Variants in ORC4 observed in about 807,000 individuals in gnomAD.
ORC4 encodes origin recognition complex, subunit 4 homolog.
Under a neutral mutation model 63.9 loss-of-function variants are expected in ORC4, and 55 were observed. That is an observed-to-expected ratio of 0.86 (90% CI 0.69 to 1.08). The LOEUF is 1.08. Ranked by LOEUF, ORC4 falls within the 50% of genes least tolerant of loss-of-function variation. The probability of loss-of-function intolerance (pLI) is 0.00; values close to 1 mark genes in which losing one functional copy is unlikely to be tolerated. For missense variants in ORC4, 511 were observed against 504.4 expected (o/e 1.01, Z -0.13); for synonymous variants, 150 against 168.5 (o/e 0.89, Z 0.85).
Position 147,938,401 on chromosome 2 carries a change from A to G in ORC4, c.959-8T>C. 6.8e-7 allele frequency: 1 copy of G among 1,463,192 alleles called. No homozygotes were observed. The highest frequency in any genetic ancestry group is 9.6e-7 in the Non-Finnish European group (1 of 1,044,228). 90.6% of individuals were successfully genotyped at this position (1,463,192 alleles called of 1,614,324 possible). A position where few individuals can be genotyped will look rare whatever the true frequency, so the allele number is the denominator to read the frequency against. ...TTTCCAAGACTGATAGACCTACAGT[A>G]AAAGGGAAAAAAAACTATCAGTTTA... On this transcript the variant is annotated splice_region_variant and splice_polypyrimidine_tract_variant and intron_variant, in intron 11 of 13. Transcript: ENST00000392857.
At chr2:147,984,557 ACAT>A (rs1248736776) in intron 1 of ORC4, among the ~76,000 whole-genome samples, 4 of 152,164 alleles carry the variant, frequency 2.6e-5, no homozygotes, top group African/African-American at 9.7e-5. Flanking sequence ...CCTAACCCTT[ACAT>A]TGTTCAAGAG....
At chr2:147,955,995 TG>T (rs1392708120) in intron 6 of ORC4, among the ~76,000 whole-genome samples, 2 of 152,104 alleles carry the variant, frequency 1.3e-5, no homozygotes, top group Admixed American at 1.3e-4. Context: ...AAAACATTTT[TG>T]GATACTATTA....
At chr2:147,955,474 T>G in intron 6 of ORC4, 79 bp from the exon 7 acceptor site, 1 of 962,236 alleles carries the variant, frequency 1.0e-6, no homozygotes, top group Admixed American at 1.9e-5. Context: ...TTCTCAAATT[T>G]TATATAAACA....
intron 1 of ORC4, among the ~76,000 whole-genome samples, chr2:148,013,717 T>C (rs1415368413): frequency 6.6e-6 from 1 of 152,160 alleles, no homozygotes; most frequent in Admixed American, 6.6e-5. Context: ...AATTAAAAAT[T>C]AAAATTTTTA....
Position 147,944,445 on chromosome 2 carries a change from T to C in ORC4, c.763-923A>G, listed in dbSNP as rs541836551. On this transcript the variant is annotated intron_variant, in intron 9 of 13. Transcript: ENST00000392857. ...GTGAGGTTCAACAATATAAACTACT[T>C]TGTAAAAAGATATATTTGAGAAGAG... 4.6e-5 allele frequency among the ~76,000 whole-genome samples: 7 copies of C among 152,074 alleles called. No homozygotes were observed. In the East Asian group the frequency reaches 1.4e-3, roughly 29 times the overall value.
At chr2:147,946,969 TAAA>T (rs546526726) in intron 9 of ORC4, among the ~76,000 whole-genome samples, 204 of 152,100 alleles carry the variant, frequency 1.3e-3, no homozygotes, top group African/African-American at 4.6e-3. Flanking sequence ...TATGATATTT[TAAA>T]AAAATGAAAT....
At chr2:147,985,580 T>C (rs553413969) in intron 1 of ORC4, among the ~76,000 whole-genome samples, 100 of 152,212 alleles carry the variant, frequency 6.6e-4, no homozygotes, top group Non-Finnish European at 7.5e-4. Flanking sequence ...TCAATAGCCA[T>C]TCAGATGTCA....
chr2:147,932,042 A>T lies in ORC4; in HGVS notation c.*3468T>A, dbSNP rs916643383. 2.0e-5 allele frequency: 3 copies of T among 152,078 alleles called. No individual in the cohort carries two copies. Among genetic ancestry groups the T allele is most frequent in the African/African-American group, 7.2e-5 (3 of 41,420 alleles). The allele number at this position is 152,078 out of a possible 1,614,324, so 9.4% of individuals were successfully genotyped here. A position where few individuals can be genotyped will look rare whatever the true frequency, so the allele number is the denominator to read the frequency against. On this transcript the variant is annotated 3_prime_UTR_variant, in exon 14 of 14. Transcript: ENST00000392857. Reference sequence around the variant, plus strand: ...GTCCGTTTGCAGACGACATGATTGTATATCTAGAAAACCCCATCGTCTCAG... The same window carrying T: ...GTCCGTTTGCAGACGACATGATTGTTTATCTAGAAAACCCCATCGTCTCAG...
intron 4 of ORC4, among the ~76,000 whole-genome samples, chr2:147,969,504 G>C (rs908001036): frequency 6.6e-6 from 1 of 151,902 alleles, no homozygotes; most frequent in African/African-American, 2.4e-5. Flanking sequence ...ATTTAAGCCA[G>C]ACTTAGACAA....
At chr2:148,017,354 A>C (rs1037334364) in intron 1 of ORC4, among the ~76,000 whole-genome samples, 1 of 152,228 alleles carries the variant, frequency 6.6e-6, no homozygotes, top group South Asian at 2.1e-4. Context: ...GCCATATAAA[A>C]TACTTGATCT....
chr2:147,974,233 A>C (rs1039490484), intron 2 of ORC4, among the ~76,000 whole-genome samples: 4 of 152,224 alleles, frequency 2.6e-5, no homozygotes, highest in Admixed American at 6.5e-5. Flanking sequence ...CATTGGCTCC[A>C]GAAGAGTCTA....
At chr2:147,998,568 C>T (rs1228738225) in intron 1 of ORC4, among the ~76,000 whole-genome samples, 1 of 152,102 alleles carries the variant, frequency 6.6e-6, no homozygotes, top group Non-Finnish European at 1.5e-5. Flanking sequence ...TGACCTTGTC[C>T]ACCGTGTTGT....
Position 147,943,530 on chromosome 2 carries a change from G to GA in ORC4, c.763-9dup, listed in dbSNP as rs66919703. The GA allele has an allele frequency of 0.011, 13,018 of 1,162,418 alleles. No individual in the cohort carries two copies. The highest frequency in any genetic ancestry group is 0.013 in the Non-Finnish European group (10,729 of 805,202). 72.0% of individuals were successfully genotyped at this position (1,162,418 alleles called of 1,614,324 possible). On this transcript the variant is annotated splice_polypyrimidine_tract_variant and intron_variant, in intron 9 of 13. Coordinates refer to ENST00000392857, the MANE Select transcript of ORC4 (RefSeq NM_181741.4). ...TCTATCTTCTGAGAGATACTAAAAGGAAAAAAAAAAAAAAAGCCAAAATTG... is the reference window on the plus strand; with the variant it reads ...TCTATCTTCTGAGAGATACTAAAAGGAAAAAAAAAAAAAAAAGCCAAAATTG...
intron 1 of ORC4, among the ~76,000 whole-genome samples, chr2:148,003,766 T>A (rs1692454662): frequency 6.6e-6 from 1 of 152,100 alleles, no homozygotes; most frequent in African/African-American, 2.4e-5. Context: ...GCCAGGGCAA[T>A]CAGGCAAGAG....
chr2:148,005,985 A>G (rs555221537), intron 1 of ORC4, among the ~76,000 whole-genome samples: 5 of 152,244 alleles, frequency 3.3e-5, no homozygotes, highest in African/African-American at 1.2e-4. Context: ...CCTCAAAACA[A>G]ACAAATAAAC....
chr2:148,017,145 T>C (rs1341614073), intron 1 of ORC4, among the ~76,000 whole-genome samples: 1 of 152,216 alleles, frequency 6.6e-6, no homozygotes, highest in African/African-American at 2.4e-5. Flanking sequence ...CTCAAAGTAC[T>C]GTCCAGCAGC....
intron 7 of ORC4, among the ~76,000 whole-genome samples, chr2:147,953,706 C>T (rs987505975): frequency 8.5e-5 from 13 of 152,156 alleles, no homozygotes; most frequent in Non-Finnish European, 1.3e-4. Flanking sequence ...CCACATCACC[C>T]TCTGGTTACA....
intron 10 of ORC4, among the ~76,000 whole-genome samples, chr2:147,939,688 T>TAACA (rs1411784990): frequency 1.3e-5 from 2 of 152,088 alleles, no homozygotes; most frequent in African/African-American, 4.8e-5. Flanking sequence ...GTTAGCTGTT[T>TAACA]TATGTTCAAT....
chr2:147,968,662 A>G (rs1249945568), intron 4 of ORC4, among the ~76,000 whole-genome samples: 1 of 152,070 alleles, frequency 6.6e-6, no homozygotes, highest in Non-Finnish European at 1.5e-5. Flanking sequence ...TGCAAAAAAA[A>G]GGAACTTTTA....
Sources: gnomAD v4.1 joint callset for allele counts (sites outside exome capture counted in the v4.1 genomes callset) on GRCh38, gnomAD v4.1.1 for gene constraint, MANE v1.5 for transcripts, NCBI Gene and HGNC (gene_info 2026-07-23, HGNC 2026-07-21) for gene names.